Variants in SPECC1 observed in about 807,000 individuals in gnomAD.
The protein encoded by SPECC1 is sperm antigen with calponin homology and coiled-coil domains 1, also known as cytospin-B.
SPECC1 carries 62 observed loss-of-function variants against 104.1 expected under a neutral mutation model. That is an observed-to-expected ratio of 0.60 (90% CI 0.49 to 0.74). The LOEUF is 0.74. Among genes scored for constraint, SPECC1 ranks in the 30% least tolerant of loss-of-function variants. SPECC1 has a pLI of 0.00. For synonymous variants in SPECC1, 513 were observed against 501.6 expected, an observed-to-expected ratio of 1.02 and a Z score of -0.30; for missense variants, 1,306 against 1,310.5, an observed-to-expected ratio of 1.00 and a Z score of 0.05.
chr17:20,117,873 G>C (rs1373771125), intron 3 of SPECC1, among the ~76,000 whole-genome samples: 1 of 149,778 alleles, frequency 6.7e-6, no homozygotes, highest in Non-Finnish European at 1.5e-5. Flanking sequence ...GGGAAGCTGA[G>C]GCGGGCTGAT....
chr17:20,123,244 G>T (rs934221695), intron 3 of SPECC1, among the ~76,000 whole-genome samples: 2 of 152,188 alleles, frequency 1.3e-5, no homozygotes, highest in Non-Finnish European at 2.9e-5. Flanking sequence ...TATAGCACAC[G>T]TGGGATCCAA....
chr17:20,060,985 T>C (rs1159349272), intron 1 of SPECC1, among the ~76,000 whole-genome samples: 1 of 152,256 alleles, frequency 6.6e-6, no homozygotes, highest in Non-Finnish European at 1.5e-5. Context: ...TTAATGATTA[T>C]ATAAAGAATG....
At chr17:20,035,607 A>T (rs1348920363) in intron 1 of SPECC1, among the ~76,000 whole-genome samples, 1 of 152,144 alleles carries the variant, frequency 6.6e-6, no homozygotes, top group Non-Finnish European at 1.5e-5. Flanking sequence ...ACATAGAGAT[A>T]CAATTTTTTT....
chr17:20,142,732 T>C (rs530172631), intron 3 of SPECC1, among the ~76,000 whole-genome samples: 10 of 152,028 alleles, frequency 6.6e-5, no homozygotes, highest in Admixed American at 4.6e-4. Context: ...TGGTGATGGT[T>C]GTACAACAAT....
chr17:20,224,238 G>A (rs1445560986), intron 4 of SPECC1, among the ~76,000 whole-genome samples: 1 of 152,212 alleles, frequency 6.6e-6, no homozygotes, highest in Non-Finnish European at 1.5e-5. Flanking sequence ...TGGAGTTGGA[G>A]CAGGGGTGAT....
intron 4 of SPECC1, among the ~76,000 whole-genome samples, chr17:20,216,634 T>G (rs1298381004): frequency 6.6e-6 from 1 of 152,110 alleles, no homozygotes; most frequent in African/African-American, 2.4e-5. Flanking sequence ...CCATATGCCT[T>G]GGGCACCTGA....
At chr17:20,116,168 A>G (rs903028342) in intron 3 of SPECC1, among the ~76,000 whole-genome samples, 4 of 152,100 alleles carry the variant, frequency 2.6e-5, no homozygotes, top group African/African-American at 9.7e-5. Flanking sequence ...GCTCACGGCA[A>G]GCTCCGCCTC....
chr17:20,207,313 C>T (rs554211418), intron 4 of SPECC1, among the ~76,000 whole-genome samples: 4 of 152,138 alleles, frequency 2.6e-5, no homozygotes, highest in Non-Finnish European at 5.9e-5. Context: ...AGGAGTTTCT[C>T]TCTTTGTCTG....
intron 4 of SPECC1, among the ~76,000 whole-genome samples, chr17:20,225,588 G>A (rs923987521): frequency 4.6e-5 from 7 of 152,132 alleles, no homozygotes; most frequent in Admixed American, 1.3e-4. Flanking sequence ...TCCCTCCCCC[G>A]GGGTGCACAG....
At position 20,260,248 on chromosome 17, in the gene SPECC1, G is replaced by A. The variant is rs778718188; in HGVS notation, c.2894G>A (p.Arg965His). ...ALAREYGGSK[R>H]NALLKWCQKK... ...GCCCGGGAATACGGTGGTTCCAAGCGCAATGCTCTACTGAAATGGTGCCAG... is the reference window on the plus strand; with the variant it reads ...GCCCGGGAATACGGTGGTTCCAAGCACAATGCTCTACTGAAATGGTGCCAG... The change falls in exon 12 of 15, where the codon CGC (arginine) becomes CAC (histidine). Residue 965 changes from arginine (R) to histidine (H), a missense_variant. This residue lies in a region of SPECC1 where 129 missense variants were observed against 170.6 expected (regional missense o/e 0.76). Transcript: ENST00000395527. 6.8e-6 allele frequency: 11 copies of A among 1,613,876 alleles called. No individual in the cohort carries two copies. In the African/African-American group the frequency reaches 8.0e-5, roughly 12 times the overall value.
chr17:20,173,027 C>T (rs140755201), intron 3 of SPECC1, among the ~76,000 whole-genome samples: 29 of 152,316 alleles, frequency 1.9e-4, no homozygotes, highest in Non-Finnish European at 3.1e-4. Flanking sequence ...TCTATGAAAT[C>T]CCTTCCAATT....
At chr17:20,288,713 T>A (rs1025817679) in intron 12 of SPECC1, among the ~76,000 whole-genome samples, 3 of 151,126 alleles carry the variant, frequency 2.0e-5, no homozygotes, top group Non-Finnish European at 4.4e-5. Flanking sequence ...TTAATTGGAC[T>A]TACAGTTTCA....
chr17:20,080,108 T>C (rs2046908006), intron 1 of SPECC1, among the ~76,000 whole-genome samples: 1 of 152,214 alleles, frequency 6.6e-6, no homozygotes, highest in East Asian at 1.9e-4. Flanking sequence ...TTGAAAGGAC[T>C]TAACCGCAAG....
intron 4 of SPECC1, among the ~76,000 whole-genome samples, chr17:20,216,496 A>G (rs183704112): frequency 1.8e-3 from 268 of 151,828 alleles, no homozygotes; most frequent in Middle Eastern, 6.8e-3. Context: ...ATTTTCCTTT[A>G]CATGTGTCTG....
chr17:20,072,769 C>T (rs1008846446), intron 1 of SPECC1, among the ~76,000 whole-genome samples: 1 of 152,230 alleles, frequency 6.6e-6, no homozygotes, highest in African/African-American at 2.4e-5. Flanking sequence ...CTGCCTTCCA[C>T]ACCTATTATC....
chr17:20,291,488 A>T (rs1488154660), intron 12 of SPECC1, among the ~76,000 whole-genome samples: 6 of 152,182 alleles, frequency 3.9e-5, no homozygotes, highest in Non-Finnish European at 5.9e-5. Flanking sequence ...TGTAAATGAG[A>T]AAATGCACAG....
chr17:20,284,452 C>T (rs1184935247), intron 12 of SPECC1, among the ~76,000 whole-genome samples: 1 of 152,220 alleles, frequency 6.6e-6, no homozygotes, highest in Non-Finnish European at 1.5e-5. Flanking sequence ...CGAGGTTTAC[C>T]AGATAGTCTG....
Position 20,314,392 on chromosome 17 carries a change from CATT to C in SPECC1, c.*330_*332del, listed in dbSNP as rs566652005. 648 of 334,014 alleles carry C rather than the reference CATT, an allele frequency of 1.9e-3. 3 individuals are homozygous for C. Among genetic ancestry groups the C allele is most frequent in the Non-Finnish European group, 3.2e-3 (570 of 175,558 alleles). 20.7% of individuals were successfully genotyped at this position (334,014 alleles called of 1,614,324 possible). Reference sequence around the variant, plus strand: ...ATTATATTGGGTGGCTGAACGAACACATTATCTGCAGAAATTCAGACAAAGAAC... The same window carrying C: ...ATTATATTGGGTGGCTGAACGAACACATCTGCAGAAATTCAGACAAAGAAC... On this transcript the variant is annotated 3_prime_UTR_variant, in exon 15 of 15. Transcript: ENST00000395527.
intron 3 of SPECC1, among the ~76,000 whole-genome samples, chr17:20,179,300 A>C (rs1441676917): frequency 6.6e-6 from 1 of 152,254 alleles, no homozygotes; most frequent in Non-Finnish European, 1.5e-5. Flanking sequence ...GTCTACAGTG[A>C]GTGCCTTGGC....
Sources: allele counts gnomAD v4.1 joint callset (sites outside exome capture counted in the v4.1 genomes callset), GRCh38; gene constraint gnomAD v4.1.1; regional missense constraint gnomAD v4.1.1; transcripts MANE v1.5; gene names NCBI Gene and HGNC (gene_info 2026-07-23, HGNC 2026-07-21).